The following ROBO1 variants were observed in gnomAD, a reference collection of about 807,000 sequenced individuals.
ROBO1 encodes the protein roundabout homolog 1.
ROBO1 carries 149 observed loss-of-function variants against 195.9 expected under a neutral mutation model. The observed-to-expected ratio is 0.76, with a 90% CI of 0.67 to 0.87. ROBO1 has a LOEUF of 0.87. Among genes scored for constraint, ROBO1 ranks in the 40% least tolerant of loss-of-function variants. The probability of loss-of-function intolerance (pLI) is 0.00; values close to 1 mark genes in which losing one functional copy is unlikely to be tolerated. For missense variants in ROBO1, 1,933 were observed against 2,068.3 expected (o/e 0.93, Z 1.27); for synonymous variants, 816 against 733.2 (o/e 1.11, Z -1.82).
chr3:79,098,937 C>T (rs1210033286), intron 3 of ROBO1, among the ~76,000 whole-genome samples: 1 of 151,610 alleles, frequency 6.6e-6, no homozygotes, highest in East Asian at 1.9e-4. Context: ...TATGAAATTT[C>T]CCATTGATAA....
chr3:79,242,352 TA>T lies in ROBO1; in HGVS notation c.89-116814del, dbSNP rs968204301. ...AATACCTATGCCTGTATTCTCCACT[TA>T]AAAAAAAATCTATTAAGGGCCTGGG... is the stretch of plus-strand genomic sequence containing the variant. On this transcript the variant is annotated intron_variant, in intron 2 of 30. Coordinates refer to ENST00000464233, the MANE Select transcript of ROBO1 (RefSeq NM_002941.4). 1.1e-4 allele frequency among the ~76,000 whole-genome samples: 17 copies of T among 151,622 alleles called. No individual in the cohort carries two copies. The East Asian group carries it at 1.2e-3, about 10-fold the overall frequency.
chr3:79,232,450 C>A (rs2082337160), intron 2 of ROBO1, among the ~76,000 whole-genome samples: 1 of 149,550 alleles, frequency 6.7e-6, no homozygotes, highest in Non-Finnish European at 1.5e-5. Context: ...AGAAAGAAAA[C>A]TTAAGAGAAA....
chr3:78,910,074 C>T (rs150517609), intron 4 of ROBO1, among the ~76,000 whole-genome samples: 1 of 151,684 alleles, frequency 6.6e-6, no homozygotes, highest in Non-Finnish European at 1.5e-5. Context: ...TTAAAATATT[C>T]CTGAATCTTA....
At chr3:79,009,039 C>G (rs1222555043) in intron 3 of ROBO1, among the ~76,000 whole-genome samples, 1 of 151,196 alleles carries the variant, frequency 6.6e-6, no homozygotes. Flanking sequence ...CTCCCGGGTT[C>G]CAGCAACTCT....
chr3:79,523,472 C>CTTTTTTTTTTT (rs11357932), intron 2 of ROBO1, among the ~76,000 whole-genome samples: 22 of 100,402 alleles, frequency 2.2e-4, no homozygotes, highest in East Asian at 5.1e-4. Flanking sequence ...TTTTTTTTTT[C>CTTTTTTTTTTT]TTTTTTTTTT....
chr3:78,971,991 C>T (rs2076778479), intron 3 of ROBO1, among the ~76,000 whole-genome samples: 1 of 152,222 alleles, frequency 6.6e-6, no homozygotes, highest in Non-Finnish European at 1.5e-5. Context: ...TGGTCTCGAA[C>T]TCCTGACCTT....
chr3:79,428,191 T>C (rs2038527698), intron 2 of ROBO1, among the ~76,000 whole-genome samples: 1 of 151,944 alleles, frequency 6.6e-6, no homozygotes, highest in South Asian at 2.1e-4. Flanking sequence ...CAAACAGGTA[T>C]ATAAAAAGGT....
chr3:78,948,588 T>C (rs944409631), intron 3 of ROBO1, among the ~76,000 whole-genome samples: 16 of 152,048 alleles, frequency 1.1e-4, no homozygotes, highest in Non-Finnish European at 2.1e-4. Flanking sequence ...GGAAGCATTC[T>C]CTTTGAAAAC....
intron 2 of ROBO1, among the ~76,000 whole-genome samples, chr3:79,523,457 CTTTCTTTTTTT>C (rs1187057423): frequency 1.6e-5 from 2 of 124,262 alleles, no homozygotes; most frequent in South Asian, 2.5e-4. Flanking sequence ...TTGCATTTTT[CTTTCTTTTTTT>C]TTTCTTTTTT....
chr3:79,514,184 C>T (rs1454791020), intron 2 of ROBO1, among the ~76,000 whole-genome samples: 1 of 152,094 alleles, frequency 6.6e-6, no homozygotes, highest in East Asian at 1.9e-4. Context: ...AGCTGAGGAC[C>T]ACATTCACAG....
intron 4 of ROBO1, among the ~76,000 whole-genome samples, chr3:78,901,338 T>C (rs2037573778): frequency 6.6e-6 from 1 of 152,162 alleles, no homozygotes; most frequent in African/African-American, 2.4e-5. Context: ...ACAAAAATAA[T>C]AAAGTTCACT....
intron 2 of ROBO1, among the ~76,000 whole-genome samples, chr3:79,468,062 T>A (rs973208627): frequency 2.6e-5 from 4 of 152,202 alleles, no homozygotes; most frequent in African/African-American, 9.6e-5. Context: ...AAGTCTGGAC[T>A]AGTTTACTAC....
chr3:79,431,083 G>A (rs1007133673), intron 2 of ROBO1, among the ~76,000 whole-genome samples: 11 of 152,060 alleles, frequency 7.2e-5, no homozygotes, highest in Admixed American at 7.2e-4. Flanking sequence ...GCTGTTGTGG[G>A]TATTACAAAA....
intron 2 of ROBO1, among the ~76,000 whole-genome samples, chr3:79,328,724 C>A (rs939428086): frequency 6.6e-6 from 1 of 152,052 alleles, no homozygotes; most frequent in Non-Finnish European, 1.5e-5. Context: ...GCACCCACCA[C>A]ACGAGCAGAG....
intron 3 of ROBO1, 106 bp from the exon 4 acceptor site, chr3:78,939,033 TG>T (rs2039977413): frequency 1.0e-6 from 1 of 959,728 alleles, no homozygotes; most frequent in Non-Finnish European, 1.5e-6. Flanking sequence ...TGCATAACAT[TG>T]GCCTAGCCTT....
chr3:78,715,498 T>C (rs571224533), intron 7 of ROBO1, among the ~76,000 whole-genome samples: 1 of 152,240 alleles, frequency 6.6e-6, no homozygotes, highest in South Asian at 2.1e-4. Context: ...CCCAGAATAA[T>C]GTAACACCCA....
intron 2 of ROBO1, among the ~76,000 whole-genome samples, chr3:79,394,155 A>G (rs2037053642): frequency 1.3e-5 from 2 of 150,172 alleles, no homozygotes; most frequent in Admixed American, 6.7e-5. Flanking sequence ...AAAGATTTTG[A>G]AAAAAAAACT....
Position 78,659,682 on chromosome 3 carries a change from A to G in ROBO1, c.2442+4T>C. On this transcript the variant is annotated splice_donor_region_variant and intron_variant, in intron 17 of 30. Transcript: ENST00000464233. The stretch of plus-strand genomic sequence containing the variant: ...ATTAATATATATATATATTATACTC[A>G]TACCTTATACTCTTGGACCATTCCA... 1.3e-6 allele frequency: 2 copies of G among 1,539,284 alleles called. No individual in the cohort carries two copies. Among genetic ancestry groups the G allele is most frequent in the Non-Finnish European group, 1.8e-6 (2 of 1,139,548 alleles).
rs559712547 is a variant in ROBO1 at position 79,332,396 on chromosome 3, A to G, written c.89-206857T>C. Among the ~76,000 whole-genome samples, 23 of 152,326 alleles carry G rather than the reference A, an allele frequency of 1.5e-4. No individual in the cohort carries two copies. In the South Asian group the frequency reaches 4.8e-3, roughly 32 times the overall value. ...AATGAATTTTTATCACAAACATAAA[A>G]ATTCTAGGACTTGCTGTTGAACATT... On this transcript the variant is annotated intron_variant, in intron 2 of 30. Coordinates refer to ENST00000464233, the MANE Select transcript of ROBO1 (RefSeq NM_002941.4).
Sources: gnomAD v4.1 joint callset for allele counts (sites outside exome capture counted in the v4.1 genomes callset) on GRCh38, gnomAD v4.1.1 for gene constraint, MANE v1.5 for transcripts, NCBI Gene and HGNC (gene_info 2026-07-23, HGNC 2026-07-21) for gene names.